The following HFM1 variants were observed in gnomAD, a reference collection of about 807,000 sequenced individuals.
The protein encoded by HFM1 is probable ATP-dependent DNA helicase HFM1.
A neutral mutation model predicts 192.1 loss-of-function variants in HFM1; 169 were observed. The ratio of observed to expected loss-of-function variants is 0.88; its 90% CI spans 0.78 to 1.00. HFM1 has a LOEUF of 1.00. Ranked by LOEUF, HFM1 falls within the 50% of genes least tolerant of loss-of-function variation. The pLI is 0.00. For synonymous variants in HFM1, 525 were observed against 537.8 expected, an observed-to-expected ratio of 0.98 and a Z score of 0.33; for missense variants, 1,661 against 1,668.0, an observed-to-expected ratio of 1.00 and a Z score of 0.07.
chr1:91,319,905 T>C (rs947474523), intron 23 of HFM1, among the ~76,000 whole-genome samples: 10 of 152,206 alleles, frequency 6.6e-5, no homozygotes, highest in Admixed American at 5.9e-4. Context: ...CTATTCAGTG[T>C]ATGAAGGTCA....
intron 20 of HFM1, among the ~76,000 whole-genome samples, chr1:91,336,311 C>G (rs1300888646): frequency 6.7e-6 from 1 of 150,094 alleles, no homozygotes; most frequent in Admixed American, 6.6e-5. Context: ...CTTCCTCCAT[C>G]CCATCCTTCC....
chr1:91,391,974 C>A (rs1251454496), intron 4 of HFM1, among the ~76,000 whole-genome samples: 1 of 152,194 alleles, frequency 6.6e-6, no homozygotes, highest in African/African-American at 2.4e-5. Context: ...GACATTTATG[C>A]AGCCAACAGA....
chr1:91,328,860 A>G, intron 20 of HFM1: 2 of 1,611,116 alleles, frequency 1.2e-6, no homozygotes, highest in Non-Finnish European at 1.7e-6. Context: ...ATCGAGGCAG[A>G]GGCCAGCTGT....
chr1:91,385,092 C>A (rs913353252), intron 6 of HFM1, 95 bp downstream of exon 6: 1 of 833,160 alleles, frequency 1.2e-6, no homozygotes, highest in Non-Finnish European at 1.9e-6. Flanking sequence ...CTCTTTTTCT[C>A]CATCAACCAA....
intron 30 of HFM1, among the ~76,000 whole-genome samples, chr1:91,288,186 A>G (rs1668243899): frequency 6.6e-6 from 1 of 151,400 alleles, no homozygotes. Flanking sequence ...CTCCTCAAGA[A>G]GAGCAACACC....
At chr1:91,368,144 G>C (rs1233735535) in intron 13 of HFM1, among the ~76,000 whole-genome samples, 1 of 152,204 alleles carries the variant, frequency 6.6e-6, no homozygotes, top group African/African-American at 2.4e-5. Flanking sequence ...AAGTGACGGG[G>C]AGAATGGAAC....
At chr1:91,350,697 G>T in intron 18 of HFM1, 41 bp downstream of exon 18, 1 of 1,591,948 alleles carries the variant, frequency 6.3e-7, no homozygotes. Context: ...GGCCTAGCTG[G>T]CTTGAAAAAA....
chr1:91,369,019 T>C (rs1659785745), intron 13 of HFM1, among the ~76,000 whole-genome samples: 1 of 152,114 alleles, frequency 6.6e-6, no homozygotes, highest in Non-Finnish European at 1.5e-5. Context: ...TACATAATGG[T>C]AAACGGATCA....
intron 13 of HFM1, among the ~76,000 whole-genome samples, chr1:91,366,782 C>T (rs1260365176): frequency 6.6e-6 from 1 of 152,168 alleles, no homozygotes; most frequent in Admixed American, 6.5e-5. Flanking sequence ...GTGCAGTGCA[C>T]CGAGCTTGAG....
chr1:91,300,715 C>T (rs367927029), intron 30 of HFM1, among the ~76,000 whole-genome samples: 14 of 152,220 alleles, frequency 9.2e-5, no homozygotes, highest in African/African-American at 2.9e-4. Context: ...GCAGAAAAGG[C>T]CTTTGACAAA....
chr1:91,360,321 C>T lies in HFM1; in HGVS notation c.1686-7022G>A, dbSNP rs531470202. ...GAGACCCATCTCAGATGCAAAGACA[C>T]ACAGGCTCAAAATAAAGGGATGAAG... On this transcript the variant is annotated intron_variant, in intron 13 of 38. Transcript: ENST00000370425. Among the ~76,000 whole-genome samples, 4 of 152,230 alleles carry T rather than the reference C, an allele frequency of 2.6e-5. No individual in the cohort carries two copies. In the South Asian group the frequency reaches 8.3e-4, roughly 32 times the overall value.
chr1:91,273,634 G>A (rs1570736126), intron 34 of HFM1, 78 bp downstream of exon 34: 2 of 680,396 alleles, frequency 2.9e-6, no homozygotes, highest in South Asian at 4.0e-5. Flanking sequence ...AGATGCCGGT[G>A]TTTCAATAAC....
intron 2 of HFM1, among the ~76,000 whole-genome samples, chr1:91,400,146 TAA>T (rs1664126477): frequency 6.6e-6 from 1 of 152,050 alleles, no homozygotes; most frequent in Non-Finnish European, 1.5e-5. Context: ...TACACCTCAT[TAA>T]AATAGGATAA....
chr1:91,273,785 A>C lies in HFM1; in HGVS notation c.3699T>G (p.Pro1233=), dbSNP rs766924974. 1 of 1,593,400 alleles carries C rather than the reference A, an allele frequency of 6.3e-7. No individual in the cohort carries two copies. Among genetic ancestry groups the C allele is most frequent in the South Asian group, 1.1e-5 (1 of 90,450 alleles). The change falls in exon 34 of 39, where the codon CCT becomes CCG. Residue 1233 remains proline (P), a synonymous_variant. Coordinates refer to ENST00000370425, the MANE Select transcript of HFM1 (RefSeq NM_001017975.6). The part of the protein sequence containing the change: ...RSEYLNISEL[P]IMEQWDQPEI... ...CAGGCTGATCCCACTGCTCCATTAT[A>C]GGCAATTCAGATATGTTTAAATATT...
intron 34 of HFM1, among the ~76,000 whole-genome samples, chr1:91,269,879 AC>A (rs1666114081): frequency 6.6e-6 from 1 of 152,144 alleles, no homozygotes; most frequent in East Asian, 1.9e-4. Flanking sequence ...TTTGGGGAGA[AC>A]TGTAAGTTTT....
chr1:91,398,270 T>C (rs1454351066), intron 2 of HFM1, among the ~76,000 whole-genome samples: 1 of 152,220 alleles, frequency 6.6e-6, no homozygotes, highest in Admixed American at 6.5e-5. Context: ...CCAATTTTTT[T>C]CCAGAGGTGA....
chr1:91,299,467 T>C (rs560763017), intron 30 of HFM1, among the ~76,000 whole-genome samples: 1 of 152,214 alleles, frequency 6.6e-6, no homozygotes, highest in Non-Finnish European at 1.5e-5. Flanking sequence ...CCACCCCAAA[T>C]CAACAGAATA....
chr1:91,335,442 TG>T (rs905144728), intron 20 of HFM1, among the ~76,000 whole-genome samples: 5 of 152,200 alleles, frequency 3.3e-5, no homozygotes, highest in African/African-American at 1.2e-4. Flanking sequence ...TTAATAGAGA[TG>T]AAGCTTTCCT....
chr1:91,309,104 CAGAAT>C (rs1374957963), intron 30 of HFM1, among the ~76,000 whole-genome samples: 3 of 152,212 alleles, frequency 2.0e-5, no homozygotes, highest in Non-Finnish European at 4.4e-5. Flanking sequence ...CATGAGCTCA[CAGAAT>C]AGTTCTAAAT....
Sources: gnomAD v4.1 joint callset for allele counts (sites outside exome capture counted in the v4.1 genomes callset) on GRCh38, gnomAD v4.1.1 for gene constraint, MANE v1.5 for transcripts, NCBI Gene and HGNC (gene_info 2026-07-23, HGNC 2026-07-21) for gene names.